Variants in BCL9 observed in about 807,000 individuals in gnomAD.
BCL9 encodes B-cell CLL/lymphoma 9 protein.
BCL9 carries 25 observed loss-of-function variants against 88.5 expected under a neutral mutation model. The observed-to-expected ratio is 0.28, with a 90% CI of 0.21 to 0.39. The LOEUF is 0.39. Among genes scored for constraint, BCL9 ranks in the 10% least tolerant of loss-of-function variants. The probability of loss-of-function intolerance (pLI) is 1.00; values close to 1 mark genes in which losing one functional copy is unlikely to be tolerated. For synonymous variants in BCL9, 711 were observed against 673.3 expected (o/e 1.06, Z -0.87); for missense variants, 1,817 against 1,877.8 (o/e 0.97, Z 0.60).
chr1:147,564,442 C>T (rs1655516915), intron 1 of BCL9, among the ~76,000 whole-genome samples: 1 of 151,930 alleles, frequency 6.6e-6, no homozygotes, highest in South Asian at 2.1e-4. Flanking sequence ...GGTTGTACTG[C>T]CCGTGAAAGG....
intron 1 of BCL9, among the ~76,000 whole-genome samples, chr1:147,550,312 C>A (rs1654829518): frequency 6.6e-6 from 1 of 151,932 alleles, no homozygotes; most frequent in Admixed American, 6.6e-5. Context: ...ACGTAACTGG[C>A]AATGAATATA....
chr1:147,562,763 G>C (rs1388251062), intron 1 of BCL9, among the ~76,000 whole-genome samples: 3 of 152,186 alleles, frequency 2.0e-5, no homozygotes, highest in Admixed American at 6.5e-5. Flanking sequence ...TTATACTTAG[G>C]AGTGTGGACG....
intron 1 of BCL9, among the ~76,000 whole-genome samples, chr1:147,554,013 A>G (rs1553195112): frequency 6.6e-6 from 1 of 152,194 alleles, no homozygotes; most frequent in African/African-American, 2.4e-5. Flanking sequence ...AAGATCTTGG[A>G]TTCATTGTGG....
intron 1 of BCL9, among the ~76,000 whole-genome samples, chr1:147,588,425 A>T (rs954683062): frequency 6.6e-6 from 1 of 152,194 alleles, no homozygotes; most frequent in Admixed American, 6.5e-5. Context: ...ACAAAAAACG[A>T]CAGTATACAC....
rs113879099 is a variant in BCL9 at position 147,606,632 on chromosome 1, G to A, written c.-342-152G>A. On this transcript the variant is annotated intron_variant, in intron 2 of 9. Transcript: ENST00000234739. ...TATAATCCTTCAAAAATTGGGAGTT[G>A]ATTCTATTTGTGTGGGGGATGACAG... Among the ~76,000 whole-genome samples, 824 of 152,294 alleles carry A rather than the reference G, an allele frequency of 5.4e-3. 9 individuals are homozygous for A. The highest frequency in any genetic ancestry group is 0.019 in the African/African-American group (771 of 41,560).
At chr1:147,599,098 G>C (rs1360567691) in intron 1 of BCL9, among the ~76,000 whole-genome samples, 1 of 152,250 alleles carries the variant, frequency 6.6e-6, no homozygotes, top group Non-Finnish European at 1.5e-5. Flanking sequence ...CCTGGACAGA[G>C]GTTCCCTCTG....
chr1:147,568,785 A>C (rs1553197023), intron 1 of BCL9, among the ~76,000 whole-genome samples: 2 of 152,182 alleles, frequency 1.3e-5, no homozygotes, highest in Admixed American at 6.5e-5. Context: ...GTTCCAAAAG[A>C]AGGAATACAT....
In BCL9 at chr1:147,620,849, C is replaced by G. The variant is rs373680197; in HGVS notation, c.2694C>G (p.Gly898=). The G allele has an allele frequency of 1.9e-6, 3 of 1,614,012 alleles. No individual in the cohort carries two copies. The Admixed American group carries it at 5.0e-5, about 27-fold the overall frequency. The stretch of plus-strand genomic sequence containing the variant: ...CGCAGCTGGCAGGCATGCTGGCGGG[C>G]CCAGCTGCTGCTGCTTCCATTAAGT... ...TPSQLAGMLA[G]PAAAASIKSP... is the part of the protein sequence containing the mutation. The change falls in exon 8 of 10, where the codon GGC becomes GGG. Residue 898 remains glycine, a synonymous_variant. Coordinates refer to ENST00000234739, the MANE Select transcript of BCL9 (RefSeq NM_004326.4).
chr1:147,600,930 C>T (rs587615873), intron 1 of BCL9, among the ~76,000 whole-genome samples: 1 of 152,216 alleles, frequency 6.6e-6, no homozygotes, highest in East Asian at 1.9e-4. Flanking sequence ...AGTCACTGGC[C>T]TTTGAAAGTT....
chr1:147,623,719 G>C, intron 9 of BCL9, 123 bp from the exon 10 acceptor site: 1 of 1,121,980 alleles, frequency 8.9e-7, no homozygotes, highest in Non-Finnish European at 1.3e-6. Flanking sequence ...ATTGTGTGTT[G>C]TATGTTTTCC....
intron 1 of BCL9, among the ~76,000 whole-genome samples, chr1:147,574,062 A>T (rs1161152471): frequency 6.6e-6 from 1 of 152,148 alleles, no homozygotes; most frequent in Admixed American, 6.5e-5. Flanking sequence ...TCACAGAATC[A>T]CTATATGACA....
At chr1:147,574,904 G>T (rs1336220442) in intron 1 of BCL9, among the ~76,000 whole-genome samples, 2 of 152,152 alleles carry the variant, frequency 1.3e-5, no homozygotes, top group Non-Finnish European at 2.9e-5. Context: ...TTTCCAGAGA[G>T]GATGAGCCCT....
In BCL9 at chr1:147,588,327, A is replaced by G. The variant is rs1247271071; in HGVS notation, c.-477-16450A>G. ...ATATGATGTGGGTGGTCTTGAAGCC[A>G]GTGCCATTTTGGATCCTAGGCTTCC... On this transcript the variant is annotated intron_variant, in intron 1 of 9. Transcript: ENST00000234739. Among the ~76,000 whole-genome samples the G allele has an allele frequency of 8.6e-5, 13 of 151,066 alleles. No individual in the cohort carries two copies. The South Asian group carries it at 1.8e-3, about 20-fold the overall frequency.
chr1:147,588,523 G>C (rs991223469), intron 1 of BCL9, among the ~76,000 whole-genome samples: 1 of 152,148 alleles, frequency 6.6e-6, no homozygotes, highest in African/African-American at 2.4e-5. Flanking sequence ...CAAGATGTCA[G>C]ACTATGGGAG....
intron 1 of BCL9, among the ~76,000 whole-genome samples, chr1:147,587,081 C>G (rs1251715303): frequency 1.3e-5 from 2 of 151,862 alleles, no homozygotes; most frequent in African/African-American, 4.8e-5. Flanking sequence ...CCAACCCCGT[C>G]TCTCCTAAAC....
intron 1 of BCL9, among the ~76,000 whole-genome samples, chr1:147,554,920 C>T (rs1176688431): frequency 1.3e-5 from 2 of 152,078 alleles, no homozygotes; most frequent in African/African-American, 4.8e-5. Context: ...TACACACCAC[C>T]TTTCTTTCTC....
At chr1:147,561,325 A>G (rs1655366994) in intron 1 of BCL9, among the ~76,000 whole-genome samples, 1 of 152,204 alleles carries the variant, frequency 6.6e-6, no homozygotes, top group African/African-American at 2.4e-5. Context: ...CATGGAATCT[A>G]TGTCCTAGGG....
At chr1:147,570,518 T>C (rs1553197269) in intron 1 of BCL9, among the ~76,000 whole-genome samples, 1 of 152,170 alleles carries the variant, frequency 6.6e-6, no homozygotes. Flanking sequence ...GGCAAAAATT[T>C]TATTTTCAAA....
intron 1 of BCL9, among the ~76,000 whole-genome samples, chr1:147,551,608 G>A (rs782247936): frequency 1.3e-5 from 2 of 152,208 alleles, no homozygotes; most frequent in Non-Finnish European, 2.9e-5. Context: ...CCTCATGAAT[G>A]GATTAGCACT....
Sources: allele counts gnomAD v4.1 joint callset (sites outside exome capture counted in the v4.1 genomes callset), GRCh38; gene constraint gnomAD v4.1.1; transcripts MANE v1.5; gene names NCBI Gene and HGNC (gene_info 2026-07-23, HGNC 2026-07-21).